ZNF804B: variants seen among roughly 807,000 people sequenced by gnomAD.
The protein encoded by ZNF804B is zinc finger 804B.
A neutral mutation model predicts 101.4 loss-of-function variants in ZNF804B; 80 were observed. The observed-to-expected ratio is 0.79, with a 90% CI of 0.66 to 0.95. The LOEUF (loss-of-function observed/expected upper bound fraction) is 0.95, where lower values mean the gene tolerates loss of function less well. Among genes scored for constraint, ZNF804B ranks in the 40% least tolerant of loss-of-function variants. The probability of loss-of-function intolerance (pLI) is 0.00; values close to 1 mark genes in which losing one functional copy is unlikely to be tolerated. For missense variants in ZNF804B, 1,673 were observed against 1,561.9 expected (o/e 1.07, Z -1.20); for synonymous variants, 622 against 558.8 (o/e 1.11, Z -1.59).
At chr7:88,856,866 G>A (rs1353255529) in intron 1 of ZNF804B, among the ~76,000 whole-genome samples, 6 of 152,126 alleles carry the variant, frequency 3.9e-5, no homozygotes, top group African/African-American at 4.8e-5. Flanking sequence ...TGAGATAATC[G>A]TATGTTTTTT....
chr7:88,894,002 A>G (rs1456189918), intron 1 of ZNF804B, among the ~76,000 whole-genome samples: 1 of 152,214 alleles, frequency 6.6e-6, no homozygotes, highest in African/African-American at 2.4e-5. Context: ...CACCCAGTCT[A>G]TTCTCCAAAA....
chr7:89,259,412 G>A (rs180864669), intron 2 of ZNF804B, among the ~76,000 whole-genome samples: 38 of 152,262 alleles, frequency 2.5e-4, no homozygotes, highest in African/African-American at 8.4e-4. Context: ...CATAATACCT[G>A]GGTACAGTTT....
chr7:88,827,028 T>G (rs888728623), intron 1 of ZNF804B, among the ~76,000 whole-genome samples: 5 of 152,110 alleles, frequency 3.3e-5, no homozygotes, highest in African/African-American at 1.2e-4. Flanking sequence ...TTGAAAATTG[T>G]GTAGATAAAT....
chr7:89,171,805 G>C (rs928969416), intron 1 of ZNF804B, among the ~76,000 whole-genome samples: 1 of 152,094 alleles, frequency 6.6e-6, no homozygotes, highest in Admixed American at 6.6e-5. Flanking sequence ...AATAGCTAGT[G>C]TTGGCAAATG....
intron 2 of ZNF804B, among the ~76,000 whole-genome samples, chr7:89,324,290 T>C (rs1044826389): frequency 6.6e-6 from 1 of 151,960 alleles, no homozygotes; most frequent in Non-Finnish European, 1.5e-5. Flanking sequence ...AAACCTTTCT[T>C]ATTCCTGGTA....
intron 1 of ZNF804B, among the ~76,000 whole-genome samples, chr7:88,776,955 G>C (rs1315882222): frequency 6.6e-6 from 1 of 152,136 alleles, no homozygotes; most frequent in East Asian, 1.9e-4. Context: ...GGAGAGAAAA[G>C]AGTTAGTTGC....
chr7:89,039,626 A>C (rs1017401794), intron 1 of ZNF804B, among the ~76,000 whole-genome samples: 1 of 146,456 alleles, frequency 6.8e-6, no homozygotes, highest in Admixed American at 6.8e-5. Flanking sequence ...AAACAGAAAA[A>C]ATTTATTTTT....
At chr7:88,790,607 TC>T (rs569620562) in intron 1 of ZNF804B, among the ~76,000 whole-genome samples, 1 of 152,120 alleles carries the variant, frequency 6.6e-6, no homozygotes, top group Non-Finnish European at 1.5e-5. Context: ...ATGATCTTGT[TC>T]CTTTTTCTGT....
chr7:88,960,621 A>G (rs1793374806), intron 1 of ZNF804B, among the ~76,000 whole-genome samples: 1 of 151,330 alleles, frequency 6.6e-6, no homozygotes, highest in African/African-American at 2.4e-5. Context: ...TCTCTTAGAG[A>G]TCTATTTATT....
chr7:89,115,878 G>A (rs1247488275), intron 1 of ZNF804B, among the ~76,000 whole-genome samples: 4 of 149,196 alleles, frequency 2.7e-5, no homozygotes, highest in Non-Finnish European at 4.4e-5. Flanking sequence ...AATTAATCAC[G>A]TATTTAAAGG....
chr7:88,875,350 A>C (rs1199214944), intron 1 of ZNF804B, among the ~76,000 whole-genome samples: 2 of 152,146 alleles, frequency 1.3e-5, no homozygotes, highest in Admixed American at 6.6e-5. Flanking sequence ...AAAACCCTTC[A>C]AAAAATTCAT....
chr7:89,212,518 A>G (rs1426894620), intron 1 of ZNF804B, among the ~76,000 whole-genome samples: 1 of 152,182 alleles, frequency 6.6e-6, no homozygotes, highest in Non-Finnish European at 1.5e-5. Context: ...TCAGGCTTAA[A>G]TATCATCATT....
At chr7:88,866,597 G>A (rs1478470862) in intron 1 of ZNF804B, among the ~76,000 whole-genome samples, 1 of 152,078 alleles carries the variant, frequency 6.6e-6, no homozygotes, top group Non-Finnish European at 1.5e-5. Flanking sequence ...CCTGACTTGT[G>A]ACCTGACATG....
At chr7:89,291,472 A>G (rs1483345825) in intron 2 of ZNF804B, among the ~76,000 whole-genome samples, 2 of 152,214 alleles carry the variant, frequency 1.3e-5, no homozygotes, top group Non-Finnish European at 2.9e-5. Flanking sequence ...CTTTAGTTGA[A>G]AAATGCAATT....
chr7:89,320,559 T>G (rs2115967144), intron 2 of ZNF804B, among the ~76,000 whole-genome samples: 1 of 152,142 alleles, frequency 6.6e-6, no homozygotes, highest in Admixed American at 6.5e-5. Flanking sequence ...GCATATACAC[T>G]ATTGGAGTGC....
At chr7:89,100,073 T>C (rs569659648) in intron 1 of ZNF804B, among the ~76,000 whole-genome samples, 5 of 152,326 alleles carry the variant, frequency 3.3e-5, no homozygotes, top group African/African-American at 1.2e-4. Context: ...ATGTATTTTA[T>C]TGACAGTTTT....
intron 1 of ZNF804B, among the ~76,000 whole-genome samples, chr7:88,965,701 C>T (rs1423283438): frequency 6.6e-6 from 1 of 151,406 alleles, no homozygotes; most frequent in African/African-American, 2.4e-5. Flanking sequence ...CCTTACAAGC[C>T]ATTGTGAATC....
At chr7:88,871,895 G>C (rs759100634) in intron 1 of ZNF804B, among the ~76,000 whole-genome samples, 3 of 152,076 alleles carry the variant, frequency 2.0e-5, no homozygotes, top group Admixed American at 6.5e-5. Flanking sequence ...TTCAACCCGG[G>C]AAGTGGAGGT....
chr7:89,292,454 T>A (rs1790311577), intron 2 of ZNF804B, among the ~76,000 whole-genome samples: 1 of 152,232 alleles, frequency 6.6e-6, no homozygotes, highest in South Asian at 2.1e-4. Context: ...CTTGTTCATT[T>A]GTTTGTTTAT....
Sources: allele counts gnomAD v4.1 joint callset (sites outside exome capture counted in the v4.1 genomes callset), GRCh38; gene constraint gnomAD v4.1.1; transcripts MANE v1.5; gene names NCBI Gene and HGNC (gene_info 2026-07-23, HGNC 2026-07-21).